The following ESR1 variants were observed in gnomAD, a reference collection of about 807,000 sequenced individuals.
The protein encoded by ESR1 is estrogen receptor 1, also known as estrogen receptor.
A neutral mutation model predicts 52.7 loss-of-function variants in ESR1; 12 were observed. That is an observed-to-expected ratio of 0.23 (90% CI 0.15 to 0.37). ESR1 has a LOEUF of 0.37. Among genes scored for constraint, ESR1 ranks in the 10% least tolerant of loss-of-function variants. The pLI, the probability that ESR1 is intolerant of heterozygous loss-of-function variation, is 1.00. For synonymous variants in ESR1, 305 were observed against 316.8 expected (o/e 0.96, Z 0.39); for missense variants, 584 against 779.7 (o/e 0.75, Z 2.99).
chr6:151,710,804 G>T (rs1780545956), intron 2 of ESR1, among the ~76,000 whole-genome samples: 1 of 151,772 alleles, frequency 6.6e-6, no homozygotes, highest in Non-Finnish European at 1.5e-5. Context: ...TGTGGCGTTT[G>T]GTTTGATGTT....
At chr6:151,723,352 C>T (rs148214614) in intron 2 of ESR1, among the ~76,000 whole-genome samples, 56 of 152,304 alleles carry the variant, frequency 3.7e-4, no homozygotes, top group Non-Finnish European at 6.3e-4. Flanking sequence ...TCCTCAGTCA[C>T]CACTCCTCCA....
At chr6:151,980,967 G>T (rs908640330) in intron 4 of ESR1, among the ~76,000 whole-genome samples, 12 of 152,238 alleles carry the variant, frequency 7.9e-5, no homozygotes, top group Non-Finnish European at 1.5e-4. Context: ...CTCTCAAAGT[G>T]CTGGGATTAT....
At chr6:152,093,377 C>G (rs865921473) in intron 6 of ESR1, among the ~76,000 whole-genome samples, 3 of 149,600 alleles carry the variant, frequency 2.0e-5, no homozygotes, top group Admixed American at 1.3e-4. Context: ...TCTCACCCCC[C>G]CACACTATCA....
At chr6:151,905,804 C>G (rs76995920) in intron 3 of ESR1, among the ~76,000 whole-genome samples, 1 of 152,102 alleles carries the variant, frequency 6.6e-6, no homozygotes, top group East Asian at 1.9e-4. Context: ...TGTTTGAAAG[C>G]GAAAAATACT....
intron 2 of ESR1, among the ~76,000 whole-genome samples, chr6:151,863,900 A>G (rs1789363918): frequency 6.6e-6 from 1 of 152,228 alleles, no homozygotes; most frequent in African/African-American, 2.4e-5. Flanking sequence ...CACCTTATAC[A>G]AAAATTAATT....
chr6:151,922,306 A>G (rs1029430301), intron 3 of ESR1, among the ~76,000 whole-genome samples: 4 of 152,218 alleles, frequency 2.6e-5, no homozygotes, highest in African/African-American at 9.6e-5. Context: ...TTATACAAAA[A>G]TTAATTCAAG....
At chr6:151,746,981 A>G (rs989100159) in intron 2 of ESR1, among the ~76,000 whole-genome samples, 2 of 152,266 alleles carry the variant, frequency 1.3e-5, no homozygotes, top group Non-Finnish European at 2.9e-5. Flanking sequence ...GAAAAGCCAT[A>G]TAAGATTTTG....
chr6:151,912,161 G>C (rs985386623), intron 3 of ESR1, among the ~76,000 whole-genome samples: 2 of 152,172 alleles, frequency 1.3e-5, no homozygotes, highest in Admixed American at 6.5e-5. Context: ...CATTGAAATG[G>C]AGAGGTGAAG....
chr6:151,723,623 C>G (rs1025890461), intron 2 of ESR1, among the ~76,000 whole-genome samples: 3 of 152,174 alleles, frequency 2.0e-5, no homozygotes, highest in Non-Finnish European at 4.4e-5. Flanking sequence ...AATCCCAGCA[C>G]TTTGGGAGGC....
In ESR1 at chr6:151,955,900, T is replaced by C. The variant is rs192433166; in HGVS notation, c.1096+11392T>C. ...CTCACCCTCCCTCACGTAGGCCCAG[T>C]GTCTGTTGCTCCCCTCTTTTTGTCC... On this transcript the variant is annotated intron_variant, in intron 4 of 7. Transcript: ENST00000206249. 3.0e-3 allele frequency among the ~76,000 whole-genome samples: 459 copies of C among 152,184 alleles called. 3 individuals carry two copies. The highest frequency in any genetic ancestry group is 0.011 in the African/African-American group (443 of 41,524).
rs58501088 is a variant in ESR1 at position 151,958,973 on chromosome 6, C to CGTGTGTGTGTGTGTGTGTGT, written c.1096+14467_1096+14486dup. ...CTTCCATTGGAAGAGAAAAAGTTTC[C>CGTGTGTGTGTGTGTGTGTGT]GTGTGTGTGTGTGTGTGTGTGCGTG... On this transcript the variant is annotated intron_variant, in intron 4 of 7. Coordinates refer to ENST00000206249, the MANE Select transcript of ESR1 (RefSeq NM_000125.4). Among the ~76,000 whole-genome samples, 133 of 148,842 alleles carry CGTGTGTGTGTGTGTGTGTGT rather than the reference C, an allele frequency of 8.9e-4. 1 individual carries two copies. The highest frequency in any genetic ancestry group is 5.2e-3 in the East Asian group (26 of 5,026).
intron 4 of ESR1, chr6:151,983,852 A>T (rs2040212249): frequency 6.6e-6 from 1 of 152,152 alleles, no homozygotes; most frequent in Non-Finnish European, 1.5e-5. Flanking sequence ...AGACAAATAG[A>T]AAATTTAAAG....
intron 2 of ESR1, among the ~76,000 whole-genome samples, chr6:151,876,514 T>C (rs902044539): frequency 2.0e-5 from 3 of 152,236 alleles, no homozygotes; most frequent in Admixed American, 6.5e-5. Flanking sequence ...CGGGCCATTA[T>C]TTATTTTCAC....
intron 5 of ESR1, among the ~76,000 whole-genome samples, chr6:152,023,680 ATGTC>A (rs768535291): frequency 3.3e-5 from 5 of 152,188 alleles, no homozygotes; most frequent in African/African-American, 9.7e-5. Flanking sequence ...TAGGTCATTA[ATGTC>A]TGTCTATTTG....
chr6:151,850,045 T>TTTATATATATATAAAAAA (rs1562474133), intron 2 of ESR1, among the ~76,000 whole-genome samples: 33 of 22,604 alleles, frequency 1.5e-3, no homozygotes, highest in Non-Finnish European at 1.8e-3. Context: ...TATATATAAT[T>TTTATATATATATAAAAAA]TTATATATAT....
At chr6:151,749,141 T>G (rs1783707358) in intron 2 of ESR1, among the ~76,000 whole-genome samples, 1 of 146,254 alleles carries the variant, frequency 6.8e-6, no homozygotes, top group African/African-American at 2.6e-5. Context: ...GCTAAGCTAC[T>G]GTGAAAAAAA....
chr6:151,865,254 C>T (rs1245011323), intron 2 of ESR1, among the ~76,000 whole-genome samples: 1 of 152,100 alleles, frequency 6.6e-6, no homozygotes, highest in Non-Finnish European at 1.5e-5. Flanking sequence ...CTTTTCTCAT[C>T]GAATAATGTG....
At chr6:151,977,677 C>T (rs1325986295) in intron 4 of ESR1, among the ~76,000 whole-genome samples, 1 of 151,914 alleles carries the variant, frequency 6.6e-6, no homozygotes, top group Non-Finnish European at 1.5e-5. Flanking sequence ...TGCCTGTATT[C>T]CCAGCTACTT....
At chr6:151,800,252 A>G (rs1222875110), upstream of ESR1, among the ~76,000 whole-genome samples, 1 of 152,086 alleles carries the variant, frequency 6.6e-6, no homozygotes, top group African/African-American at 2.4e-5. Context: ...TAGGGGCTGA[A>G]TCCTGGGGTA....
Sources: allele counts gnomAD v4.1 joint callset (sites outside exome capture counted in the v4.1 genomes callset), GRCh38; gene constraint gnomAD v4.1.1; transcripts MANE v1.5; gene names NCBI Gene and HGNC (gene_info 2026-07-23, HGNC 2026-07-21).